Variants in WLS observed in about 807,000 individuals in gnomAD.
The protein encoded by WLS is Wnt ligand secretion mediator, also known as protein wntless homolog.
In WLS, 23 loss-of-function variants were observed where a neutral mutation model predicts 62.8. The ratio of observed to expected loss-of-function variants is 0.37; its 90% CI spans 0.26 to 0.52. The LOEUF (loss-of-function observed/expected upper bound fraction) is 0.52, where lower values mean the gene tolerates loss of function less well. Among genes scored for constraint, WLS ranks in the 20% least tolerant of loss-of-function variants. The probability of loss-of-function intolerance (pLI) is 0.92; values close to 1 mark genes in which losing one functional copy is unlikely to be tolerated. For synonymous variants in WLS, 246 were observed against 244.1 expected, an observed-to-expected ratio of 1.01 and a Z score of -0.07; for missense variants, 615 against 697.3, an observed-to-expected ratio of 0.88 and a Z score of 1.33.
At chr1:68,130,731 G>A (rs181466170) in intron 11 of WLS, among the ~76,000 whole-genome samples, 116 of 152,144 alleles carry the variant, frequency 7.6e-4, no homozygotes, top group Non-Finnish European at 1.3e-3. Context: ...AAATAGTGTC[G>A]CTGGTGCAGT....
chr1:68,105,749 C>T (rs994691051), intron 11 of WLS, among the ~76,000 whole-genome samples: 34 of 152,132 alleles, frequency 2.2e-4, no homozygotes, highest in African/African-American at 8.0e-4. Flanking sequence ...GAGCCAGAAC[C>T]TGCCTGAACT....
At chr1:68,132,894 C>T (rs1426892747) in intron 11 of WLS, among the ~76,000 whole-genome samples, 1 of 152,134 alleles carries the variant, frequency 6.6e-6, no homozygotes, top group African/African-American at 2.4e-5. Context: ...GTGTGCAGGG[C>T]TTTGCTGCTG....
At chr1:68,210,728 G>A (rs1649479688) in intron 1 of WLS, among the ~76,000 whole-genome samples, 1 of 152,110 alleles carries the variant, frequency 6.6e-6, no homozygotes, top group Non-Finnish European at 1.5e-5. Flanking sequence ...CCACTGGGCG[G>A]AAAGCCCCAG....
rs555092692 is a variant in WLS, at chr1:68,194,603, C to G, written c.107-376G>C. 3.9e-5 allele frequency among the ~76,000 whole-genome samples: 6 copies of G among 152,306 alleles called. No homozygotes were observed. The East Asian group carries it at 1.2e-3, about 29-fold the overall frequency. On this transcript the variant is annotated intron_variant, in intron 1 of 11. Transcript: ENST00000262348. Reference sequence around the variant, plus strand: ...AGAACAGTATCTAAAGTCAGAAGACCTTAGTCTTCAAACCTGGATTCGAAG... The same window carrying G: ...AGAACAGTATCTAAAGTCAGAAGACGTTAGTCTTCAAACCTGGATTCGAAG...
intron 11 of WLS, among the ~76,000 whole-genome samples, chr1:68,115,426 C>T (rs957079114): frequency 1.3e-5 from 2 of 152,162 alleles, no homozygotes; most frequent in Non-Finnish European, 2.9e-5. Context: ...GGCCTAGAGC[C>T]AATTCATTCA....
chr1:68,189,884 AT>A (rs921212972), intron 2 of WLS, among the ~76,000 whole-genome samples: 3 of 152,094 alleles, frequency 2.0e-5, no homozygotes, highest in Non-Finnish European at 4.4e-5. Flanking sequence ...AAATACAAAA[AT>A]TTAGTCCCAG....
chr1:68,219,873 A>G (rs541159688), intron 1 of WLS, among the ~76,000 whole-genome samples: 68 of 152,300 alleles, frequency 4.5e-4, no homozygotes, highest in Non-Finnish European at 8.4e-4. Flanking sequence ...TCACGTTATT[A>G]TCTAGAAGCA....
intron 4 of WLS, among the ~76,000 whole-genome samples, chr1:68,154,634 C>T (rs755295502): frequency 1.2e-4 from 18 of 152,134 alleles, no homozygotes; most frequent in African/African-American, 4.3e-4. Flanking sequence ...TTATGCTTTT[C>T]TGTGTCTCTA....
rs570551968 is a variant in WLS, at chr1:68,214,334, C to T, written c.106+17860G>A. Among the ~76,000 whole-genome samples the T allele has an allele frequency of 2.0e-5, 3 of 151,862 alleles. No individual in the cohort carries two copies. The South Asian group carries it at 6.2e-4, about 31-fold the overall frequency. On this transcript the variant is annotated intron_variant, in intron 1 of 11. Coordinates refer to ENST00000262348, the MANE Select transcript of WLS (RefSeq NM_024911.7). ...AAAATAAGCTAACTGTCCAAATACA[C>T]TCTGCAATGCAGCAGTGGCCTCCAC...
chr1:68,147,387 C>G (rs992717682), intron 8 of WLS, among the ~76,000 whole-genome samples: 1 of 152,156 alleles, frequency 6.6e-6, no homozygotes, highest in African/African-American at 2.4e-5. Context: ...TCTTGTGACA[C>G]TGAGAAACCA....
intron 11 of WLS, among the ~76,000 whole-genome samples, chr1:68,119,559 C>T (rs973504081): frequency 1.3e-5 from 2 of 152,220 alleles, no homozygotes; most frequent in African/African-American, 4.8e-5. Flanking sequence ...CTCTCTCTCA[C>T]AGCTTCCTCA....
chr1:68,155,719 G>A (rs1019536669), intron 3 of WLS, among the ~76,000 whole-genome samples: 9 of 152,158 alleles, frequency 5.9e-5, no homozygotes, highest in African/African-American at 1.7e-4. Context: ...CTTTAATGAC[G>A]GCTAATTATT....
At chr1:68,131,219 T>TC (rs1357104633) in intron 11 of WLS, among the ~76,000 whole-genome samples, 1 of 151,440 alleles carries the variant, frequency 6.6e-6, no homozygotes, top group East Asian at 1.9e-4. Context: ...CCTTTTTTTT[T>TC]TTTCCAAAGA....
rs1646425654 is a variant in WLS at position 68,126,071 on chromosome 1, G to A, written c.*155C>T. ...TTCCTCCAAAAGCTACCGTCAGAAG[G>A]CAAACTGACAAATGTCCATGCCGCT... is the stretch of plus-strand genomic sequence containing the variant. On this transcript the variant is annotated 3_prime_UTR_variant, in exon 12 of 12. Coordinates refer to ENST00000262348, the MANE Select transcript of WLS (RefSeq NM_024911.7). 6.9e-7 allele frequency: 1 copy of A among 1,441,128 alleles called. No individual in the cohort carries two copies. The highest frequency in any genetic ancestry group is 2.7e-5 in the Admixed American group (1 of 36,408). The allele number at this position is 1,441,128 out of a possible 1,614,324, so 89.3% of individuals were successfully genotyped here. A position where few individuals can be genotyped will look rare whatever the true frequency, so the allele number is the denominator to read the frequency against.
intron 11 of WLS, among the ~76,000 whole-genome samples, chr1:68,119,840 T>C (rs1480083915): frequency 6.6e-6 from 1 of 152,256 alleles, no homozygotes; most frequent in East Asian, 1.9e-4. Flanking sequence ...AGCATGGTGC[T>C]ATAGAAATAA....
intron 11 of WLS, among the ~76,000 whole-genome samples, chr1:68,111,824 G>A (rs1416939906): frequency 5.9e-5 from 9 of 152,164 alleles, no homozygotes; most frequent in Admixed American, 2.0e-4. Flanking sequence ...TCCTGCTTGG[G>A]GGGCTGCCCC....
chr1:68,124,129 A>C (rs963050351), downstream of WLS, among the ~76,000 whole-genome samples: 19 of 152,116 alleles, frequency 1.2e-4, no homozygotes, highest in Non-Finnish European at 4.4e-5. Context: ...AGAACATTCA[A>C]ACCTTGTGCA....
chr1:68,176,778 T>G lies in WLS; in HGVS notation c.379+17177A>C, dbSNP rs1031335791. ...CTAGAAATCACTTTGAAGAAGTCAC[T>G]TAACTTCCATAATTTCATACTTGTT... On this transcript the variant is annotated intron_variant, in intron 2 of 11. Coordinates refer to ENST00000262348, the MANE Select transcript of WLS (RefSeq NM_024911.7). Among the ~76,000 whole-genome samples the G allele has an allele frequency of 2.0e-5, 3 of 152,248 alleles. No individual in the cohort carries two copies. In the South Asian group the frequency reaches 6.2e-4, roughly 31 times the overall value.
chr1:68,198,674 TACAAATAACGGAGGAAGCAG>T (rs1398077419), intron 1 of WLS, among the ~76,000 whole-genome samples: 6 of 152,136 alleles, frequency 3.9e-5, no homozygotes, highest in Admixed American at 1.3e-4. Context: ...ATATGGAACG[TACAAATAACGGAGGAAGCAG>T]ACAATAAATA....
Sources: allele counts gnomAD v4.1 joint callset (sites outside exome capture counted in the v4.1 genomes callset), GRCh38; gene constraint gnomAD v4.1.1; transcripts MANE v1.5; gene names NCBI Gene and HGNC (gene_info 2026-07-23, HGNC 2026-07-21).